The following GTF2F2 variants were observed in gnomAD, a reference collection of about 807,000 sequenced individuals.
GTF2F2 encodes the protein general transcription factor IIF subunit 2, also known as ATP-dependent helicase GTF2F2.
Under a neutral mutation model 42.2 loss-of-function variants are expected in GTF2F2, and 23 were observed. That is an observed-to-expected ratio of 0.55 (90% confidence interval 0.39 to 0.77). The LOEUF is 0.77. Among genes scored for constraint, GTF2F2 ranks in the 30% least tolerant of loss-of-function variants. The probability of loss-of-function intolerance (pLI) is 0.00; values close to 1 mark genes in which losing one functional copy is unlikely to be tolerated. For missense variants in GTF2F2, 261 were observed against 287.2 expected, an observed-to-expected ratio of 0.91 and a Z score of 0.66; for synonymous variants, 105 against 100.8, an observed-to-expected ratio of 1.04 and a Z score of -0.25.
rs535594189 is a variant in GTF2F2 at position 45,156,351 on chromosome 13, A to G, written c.304+4520A>G. Among the ~76,000 whole-genome samples, 3 of 152,346 alleles carry G rather than the reference A, an allele frequency of 2.0e-5. No individual in the cohort carries two copies. In the South Asian group the frequency reaches 6.2e-4, roughly 32 times the overall value. ...ATATTTGAGCTGGACCTTGAAGTAT[A>G]TGAATAGGATGAAAGATAGTGAGGA... On this transcript the variant is annotated intron_variant, in intron 4 of 7. Transcript: ENST00000340473.
chr13:45,137,823 A>ATGC (rs1289862504), intron 2 of GTF2F2, among the ~76,000 whole-genome samples: 2 of 145,452 alleles, frequency 1.4e-5, no homozygotes, highest in African/African-American at 5.6e-5. Flanking sequence ...AGCTGCTGCA[A>ATGC]AAAAAACTTG....
At chr13:45,127,482 C>T (rs954460967) in intron 1 of GTF2F2, among the ~76,000 whole-genome samples, 2 of 149,652 alleles carry the variant, frequency 1.3e-5, no homozygotes, top group Admixed American at 1.3e-4. Context: ...TGTGTCACCA[C>T]GCCCAACTAA....
rs546528801 is a variant in GTF2F2, at chr13:45,176,911, G to A, written c.304+25080G>A. Among the ~76,000 whole-genome samples, 17 of 151,946 alleles carry A rather than the reference G, an allele frequency of 1.1e-4. No individual in the cohort carries two copies. The South Asian group carries it at 3.3e-3, about 30-fold the overall frequency. ...AGCGATTCTACTGCCTCAGCCTCCC[G>A]AGTAGCCGGGATTATAGGTGCCCGC... On this transcript the variant is annotated intron_variant, in intron 4 of 7. Transcript: ENST00000340473.
chr13:45,194,652 C>G, intron 4 of GTF2F2: 1 of 1,230,798 alleles, frequency 8.1e-7, no homozygotes, highest in Non-Finnish European at 1.1e-6. Context: ...CGCCTTTATT[C>G]AGCCCCAGCC....
chr13:45,185,457 A>T (rs1872373982), intron 4 of GTF2F2, among the ~76,000 whole-genome samples: 1 of 152,176 alleles, frequency 6.6e-6, no homozygotes, highest in African/African-American at 2.4e-5. Flanking sequence ...GCACATGTAG[A>T]CTTACACATG....
chr13:45,263,925 A>G, intron 6 of GTF2F2: 1 of 177,508 alleles, frequency 5.6e-6, no homozygotes, highest in South Asian at 1.4e-4. Context: ...GTGGTTTGGG[A>G]ATATAAAGAA....
intron 4 of GTF2F2, among the ~76,000 whole-genome samples, chr13:45,161,562 C>T (rs954909200): frequency 1.3e-5 from 2 of 152,196 alleles, no homozygotes; most frequent in African/African-American, 4.8e-5. Context: ...AATACAGGGG[C>T]CGGGCACCGT....
chr13:45,275,301 T>TTTATTA (rs374043984), intron 7 of GTF2F2, among the ~76,000 whole-genome samples: 10 of 151,524 alleles, frequency 6.6e-5, no homozygotes, highest in African/African-American at 1.9e-4. Flanking sequence ...TAAAATGGTG[T>TTTATTA]TTATTATTAT....
intron 4 of GTF2F2, among the ~76,000 whole-genome samples, chr13:45,203,737 T>C (rs1873307363): frequency 6.6e-6 from 1 of 152,216 alleles, no homozygotes; most frequent in Non-Finnish European, 1.5e-5. Context: ...ATTAACCTAT[T>C]ACCCACTAGT....
intron 4 of GTF2F2, among the ~76,000 whole-genome samples, chr13:45,180,190 T>A (rs1272361992): frequency 2.6e-5 from 4 of 152,194 alleles, no homozygotes; most frequent in Non-Finnish European, 4.4e-5. Context: ...TAGTATAAAT[T>A]ATAAATAAGT....
intron 4 of GTF2F2, chr13:45,194,138 C>G: frequency 6.8e-6 from 11 of 1,614,116 alleles, no homozygotes; most frequent in Non-Finnish European, 8.5e-6. Flanking sequence ...TCTGTTATTT[C>G]CAAGAAAGTA....
chr13:45,168,906 T>TTCCCTC (rs1871448823), intron 4 of GTF2F2, among the ~76,000 whole-genome samples: 2 of 87,262 alleles, frequency 2.3e-5, no homozygotes, highest in Non-Finnish European at 4.5e-5. Context: ...CCTCCCTCCC[T>TTCCCTC]CCTCCTTCCT....
chr13:45,168,405 C>T (rs114647722), intron 4 of GTF2F2, among the ~76,000 whole-genome samples: 1,907 of 152,316 alleles, frequency 0.013, 41 homozygotes, highest in African/African-American at 0.04. Flanking sequence ...GAGTGGCGTT[C>T]AGCCAATATC....
At chr13:45,138,441 G>A (rs934109601) in intron 2 of GTF2F2, among the ~76,000 whole-genome samples, 3 of 152,130 alleles carry the variant, frequency 2.0e-5, no homozygotes, top group Non-Finnish European at 4.4e-5. Context: ...CGCTGATCTA[G>A]AGTTAACCAC....
chr13:45,126,397 G>C (rs927778661), intron 1 of GTF2F2, among the ~76,000 whole-genome samples: 1 of 151,856 alleles, frequency 6.6e-6, no homozygotes, highest in Non-Finnish European at 1.5e-5. Context: ...GATTACAGGC[G>C]TGCACCACGA....
At chr13:45,247,253 C>T (rs375362321) in intron 5 of GTF2F2, among the ~76,000 whole-genome samples, 2 of 149,216 alleles carry the variant, frequency 1.3e-5, no homozygotes, top group African/African-American at 2.5e-5. Flanking sequence ...TCCCAAGAAT[C>T]GCTTTAACCT....
intron 5 of GTF2F2, among the ~76,000 whole-genome samples, chr13:45,212,478 TC>T (rs1464427241): frequency 2.5e-5 from 3 of 121,858 alleles, no homozygotes; most frequent in African/African-American, 9.0e-5. Flanking sequence ...TTTCTTTCTT[TC>T]TTTCTTTCTT....
rs370193338 is a variant in GTF2F2 at position 45,136,732 on chromosome 13, G to C, written c.67-1G>C. ...CTTATTAGTGTTTTACTTTGTTTTA[G>C]GTTCCTAAATATTTGTCACAGCAAT... On this transcript the variant is annotated splice_acceptor_variant, in intron 1 of 7. Coordinates refer to ENST00000340473, the MANE Select transcript of GTF2F2 (RefSeq NM_004128.3). LOFTEE classifies it high-confidence loss of function. The C allele has an allele frequency of 2.6e-6, 4 of 1,553,116 alleles. No homozygotes were observed. The highest frequency in any genetic ancestry group is 2.7e-6 in the Non-Finnish European group (3 of 1,129,294).
intron 5 of GTF2F2, among the ~76,000 whole-genome samples, chr13:45,217,482 C>T (rs1873944805): frequency 1.3e-5 from 2 of 152,068 alleles, no homozygotes; most frequent in Admixed American, 1.3e-4. Flanking sequence ...TTGTGAGCCC[C>T]TTGAGGTCAG....
Sources: gnomAD v4.1 joint callset for allele counts (sites outside exome capture counted in the v4.1 genomes callset) on GRCh38, gnomAD v4.1.1 for gene constraint, MANE v1.5 for transcripts, NCBI Gene and HGNC (gene_info 2026-07-23, HGNC 2026-07-21) for gene names.